ATG101: variants seen among roughly 807,000 people sequenced by gnomAD.
ATG101 encodes autophagy-related protein 101.
ATG101 carries 6 observed loss-of-function variants against 16.7 expected under a neutral mutation model. The ratio of observed to expected loss-of-function variants is 0.36; its 90% CI spans 0.20 to 0.71. The LOEUF is 0.71. ATG101 is among the 30% of genes least tolerant of loss of function. ATG101 has a pLI of 0.57. For missense variants in ATG101, 200 were observed against 292.5 expected (o/e 0.68, Z 2.31); for synonymous variants, 108 against 118.1 (o/e 0.91, Z 0.56).
Position 52,077,015 on chromosome 12 carries a change from G to A in ATG101, c.482G>A (p.Arg161Gln), listed in dbSNP as rs775675770. 1.4e-5 allele frequency: 22 copies of A among 1,614,184 alleles called. No individual in the cohort carries two copies. Among genetic ancestry groups the A allele is most frequent in the South Asian group, 3.3e-5 (3 of 91,082 alleles). The change falls in exon 4 of 4, where the codon CGG (arginine) becomes CAG (glutamine). Residue 161 changes from arginine to glutamine, a missense_variant. Arg to Gln is a conservative substitution (Grantham distance 43, BLOSUM62 1). Transcript: ENST00000336854. Reference sequence around the variant, plus strand: ...ATCAACATCGTGGAGGTGATGAATCGGCATGAGTACTTGCCCAAGATGCCC... The same window carrying A: ...ATCAACATCGTGGAGGTGATGAATCAGCATGAGTACTTGCCCAAGATGCCC... ...KIINIVEVMN[R>Q]HEYLPKMPTQ...
chr12:52,068,722 C>G (rs1939579338), upstream of ATG101, among the ~76,000 whole-genome samples: 1 of 151,932 alleles, frequency 6.6e-6, no homozygotes, highest in African/African-American at 2.4e-5. Context: ...CGCGGTGGCT[C>G]ACGCCTGTAA....
chr12:52,071,342 T>G (rs527341788), intron 2 of ATG101: 1 of 152,310 alleles, frequency 6.6e-6, no homozygotes, highest in Admixed American at 6.5e-5. Flanking sequence ...GCAGATAAGA[T>G]GTGATGTGGA....
intron 3 of ATG101, among the ~76,000 whole-genome samples, 179 bp downstream of exon 3, chr12:52,074,081 G>GCGGGC (rs11280603): frequency 0.2 from 30,821 of 151,962 alleles, 3,976 homozygotes; most frequent in East Asian, 0.45. Context: ...GGGAGGGCGC[G>GCGGGC]CGGGCGCGTG....
chr12:52,066,849 A>C (rs1341157428), upstream of ATG101, among the ~76,000 whole-genome samples: 1 of 152,152 alleles, frequency 6.6e-6, no homozygotes, highest in Non-Finnish European at 1.5e-5. Flanking sequence ...ACTCACTGGC[A>C]GTCTCTGGGG....
intron 3 of ATG101, among the ~76,000 whole-genome samples, chr12:52,076,466 G>A (rs1017063284): frequency 3.9e-5 from 6 of 152,176 alleles, no homozygotes; most frequent in African/African-American, 1.4e-4. Flanking sequence ...GGAGCCAGTG[G>A]GATTGTGTGT....
At chr12:52,068,352 C>G (rs1939572419), upstream of ATG101, among the ~76,000 whole-genome samples, 1 of 143,348 alleles carries the variant, frequency 7.0e-6, no homozygotes, top group Non-Finnish European at 1.5e-5. Flanking sequence ...TCACACCCGA[C>G]TTTTTTTTTT....
chr12:52,071,527 C>T (rs567085724), intron 2 of ATG101: 8 of 152,318 alleles, frequency 5.3e-5, no homozygotes, highest in African/African-American at 1.7e-4. Flanking sequence ...GAGACAGATT[C>T]TTCAGCAGAA....
chr12:52,073,509 G>A (rs1939682533), intron 2 of ATG101, 66 bp from the exon 3 acceptor site: 3 of 1,102,902 alleles, frequency 2.7e-6, no homozygotes, highest in East Asian at 4.8e-5. Context: ...GCTGAGCCTA[G>A]AAGGAAGTGA....
At chr12:52,076,073 G>A (rs1284418498) in intron 3 of ATG101, among the ~76,000 whole-genome samples, 1 of 152,148 alleles carries the variant, frequency 6.6e-6, no homozygotes, top group Non-Finnish European at 1.5e-5. Flanking sequence ...TGGGAGGATC[G>A]CTTGAGCCCA....
upstream of ATG101, among the ~76,000 whole-genome samples, chr12:52,067,711 C>T (rs759026912): frequency 3.3e-5 from 5 of 151,720 alleles, no homozygotes; most frequent in African/African-American, 4.8e-5. Flanking sequence ...ACTCAGCCTC[C>T]GGAGTAGCTG....
chr12:52,066,772 C>T (rs540234671), upstream of ATG101, among the ~76,000 whole-genome samples: 55 of 151,952 alleles, frequency 3.6e-4, no homozygotes, highest in Non-Finnish European at 6.5e-4. Context: ...ATGATGATGT[C>T]AGGCTAGTGG....
chr12:52,071,262 A>T (rs943129958), intron 2 of ATG101: 1 of 152,170 alleles, frequency 6.6e-6, no homozygotes. Context: ...ACTGAAATAT[A>T]CTTTTTATAT....
intron 2 of ATG101, 44 bp from the exon 3 acceptor site, chr12:52,073,531 G>A (rs926321096): frequency 7.0e-6 from 9 of 1,284,866 alleles, no homozygotes; most frequent in Admixed American, 2.1e-5. Context: ...CAGATAACAC[G>A]TGGACTATTC....
At position 52,072,897 on chromosome 12, in the gene ATG101, C is replaced by T. The variant is rs185418759; in HGVS notation, c.-76-678C>T. On this transcript the variant is annotated intron_variant, in intron 2 of 3. Transcript: ENST00000336854. ...AAGTTATCCTCCTGCCTCAGCCCCT[C>T]AAGTAACTGGGACTACAGGCGCCTG... Among the ~76,000 whole-genome samples, 3 of 152,244 alleles carry T rather than the reference C, an allele frequency of 2.0e-5. No individual in the cohort carries two copies. The East Asian group carries it at 5.8e-4, about 29-fold the overall frequency.
upstream of ATG101, among the ~76,000 whole-genome samples, chr12:52,068,985 C>T (rs1229227266): frequency 1.4e-5 from 1 of 69,396 alleles, no homozygotes; most frequent in African/African-American, 6.5e-5. Context: ...AGCGAGACGC[C>T]GTCTCAAAAA....
chr12:52,074,854 G>C (rs1275998031), intron 3 of ATG101, among the ~76,000 whole-genome samples: 2 of 152,182 alleles, frequency 1.3e-5, no homozygotes, highest in South Asian at 2.1e-4. Flanking sequence ...AGACGCTTGA[G>C]CAGCTGAGGT....
intron 3 of ATG101, among the ~76,000 whole-genome samples, chr12:52,074,204 T>C (rs1303226606): frequency 3.3e-5 from 5 of 152,236 alleles, no homozygotes; most frequent in Non-Finnish European, 4.4e-5. Context: ...GCTTCTGTGG[T>C]CTTGACCTCT....
chr12:52,077,308 G>A lies in ATG101; in HGVS notation c.*118G>A. 1 of 1,198,316 alleles carries A rather than the reference G, an allele frequency of 8.3e-7. No individual in the cohort carries two copies. Among genetic ancestry groups the A allele is most frequent in the South Asian group, 1.5e-5 (1 of 65,014 alleles). 74.2% of individuals were successfully genotyped at this position (1,198,316 alleles called of 1,614,324 possible). On this transcript the variant is annotated 3_prime_UTR_variant, in exon 4 of 4. Coordinates refer to ENST00000336854, the MANE Select transcript of ATG101 (RefSeq NM_021934.5). ...TGGGTCATTGGTGAGACTTGGAAGG[G>A]GCAGCCCCCGCTGGCTTCTTGGTTT...
upstream of ATG101, among the ~76,000 whole-genome samples, chr12:52,067,250 T>C (rs570053701): frequency 1.3e-5 from 2 of 152,360 alleles, no homozygotes; most frequent in Admixed American, 6.5e-5. Context: ...CCTCAAGGGC[T>C]GATTTTAACC....
Sources: allele counts gnomAD v4.1 joint callset (sites outside exome capture counted in the v4.1 genomes callset), GRCh38; gene constraint gnomAD v4.1.1; transcripts MANE v1.5; gene names NCBI Gene and HGNC (gene_info 2026-07-23, HGNC 2026-07-21).